The following PLCB1 variants were observed in gnomAD, a reference collection of about 807,000 sequenced individuals.
The protein encoded by PLCB1 is phospholipase C beta 1.
Under a neutral mutation model 161.8 loss-of-function variants are expected in PLCB1, and 46 were observed. The observed-to-expected ratio is 0.28, with a 90% CI of 0.22 to 0.36. The LOEUF is 0.36. PLCB1 is among the 10% of genes least tolerant of loss of function. The probability of loss-of-function intolerance (pLI) is 1.00; values close to 1 mark genes in which losing one functional copy is unlikely to be tolerated. For synonymous variants in PLCB1, 517 were observed against 503.7 expected, an observed-to-expected ratio of 1.03 and a Z score of -0.35; for missense variants, 1,016 against 1,472.5, an observed-to-expected ratio of 0.69 and a Z score of 5.07.
intron 2 of PLCB1, among the ~76,000 whole-genome samples, chr20:8,157,655 C>A (rs972354117): frequency 3.3e-5 from 5 of 152,118 alleles, no homozygotes; most frequent in African/African-American, 1.2e-4. Context: ...ACACAACATA[C>A]AAATAAATGT....
At chr20:8,181,514 A>G (rs1000825196) in intron 2 of PLCB1, among the ~76,000 whole-genome samples, 3 of 152,170 alleles carry the variant, frequency 2.0e-5, no homozygotes, top group Admixed American at 1.3e-4. Flanking sequence ...CTGAAACCAG[A>G]GGTAGAGCTT....
chr20:8,686,136 T>C, intron 10 of PLCB1, among the ~76,000 whole-genome samples: 1 of 152,208 alleles, frequency 6.6e-6, no homozygotes, highest in Middle Eastern at 3.2e-3. Flanking sequence ...TAGTGACTTG[T>C]AAACTACATA....
chr20:8,272,607 A>G (rs541839472), intron 2 of PLCB1, among the ~76,000 whole-genome samples: 44 of 151,616 alleles, frequency 2.9e-4, no homozygotes, highest in Non-Finnish European at 6.2e-4. Flanking sequence ...CCTCGAGTAT[A>G]CCCACATTAG....
At chr20:8,821,513 A>G (rs1214892585) in intron 31 of PLCB1, among the ~76,000 whole-genome samples, 4 of 18,474 alleles carry the variant, frequency 2.2e-4, no homozygotes, top group Admixed American at 7.2e-4. Context: ...ATATATATAT[A>G]TATATATATA....
chr20:8,573,363 A>C (rs1374077306), intron 3 of PLCB1, among the ~76,000 whole-genome samples: 1 of 152,176 alleles, frequency 6.6e-6, no homozygotes, highest in Non-Finnish European at 1.5e-5. Context: ...AAGAACTTTA[A>C]CTAGGAAATG....
chr20:8,299,662 C>T (rs1983805850), intron 2 of PLCB1, among the ~76,000 whole-genome samples: 2 of 152,216 alleles, frequency 1.3e-5, no homozygotes, highest in Admixed American at 6.5e-5. Flanking sequence ...TCCAAAACGG[C>T]TGTTCCTCAA....
intron 31 of PLCB1, among the ~76,000 whole-genome samples, chr20:8,833,219 G>A (rs1212894751): frequency 6.6e-6 from 1 of 152,214 alleles, no homozygotes; most frequent in Admixed American, 6.5e-5. Flanking sequence ...TGGACTCATA[G>A]TTCCACATGG....
At chr20:8,803,377 A>G (rs1007432992) in intron 31 of PLCB1, among the ~76,000 whole-genome samples, 6 of 151,268 alleles carry the variant, frequency 4.0e-5, no homozygotes, top group Admixed American at 6.6e-5. Flanking sequence ...AGCAACTGTC[A>G]TGGCATTTTA....
At chr20:8,376,551 C>T (rs538224534) in intron 3 of PLCB1, among the ~76,000 whole-genome samples, 3 of 152,134 alleles carry the variant, frequency 2.0e-5, no homozygotes, top group African/African-American at 7.2e-5. Context: ...CAGCAATGAA[C>T]AAAAAGACAA....
chr20:8,297,151 A>G (rs1025987751), intron 2 of PLCB1, among the ~76,000 whole-genome samples: 3 of 152,098 alleles, frequency 2.0e-5, no homozygotes, highest in Non-Finnish European at 4.4e-5. Flanking sequence ...ATATACATGC[A>G]TACTCCTGTA....
At position 8,144,787 on chromosome 20, in the gene PLCB1, G is replaced by A. The variant is rs747376263; in HGVS notation, c.100-5507G>A. Among the ~76,000 whole-genome samples, 5 of 152,274 alleles carry A rather than the reference G, an allele frequency of 3.3e-5. No homozygotes were observed. The Middle Eastern group carries it at 0.01, about 311-fold the overall frequency. On this transcript the variant is annotated intron_variant, in intron 1 of 31. Coordinates refer to ENST00000338037, the MANE Select transcript of PLCB1 (RefSeq NM_015192.4). ...GCTGTATTTGGCCCTGCTGCTTCCT[G>A]ATGCAAGTCTTGGGCAATCCCTGTG... is the stretch of plus-strand genomic sequence containing the variant.
rs112897439 is a variant in PLCB1 at position 8,608,888 on chromosome 20, A to G, written c.247-19406A>G. Reference sequence around the variant, plus strand: ...AATCAGAAGACTGCAGCAATCATCAATTGCACAACAGTGATGGCCTCTGTA... The same window carrying G: ...AATCAGAAGACTGCAGCAATCATCAGTTGCACAACAGTGATGGCCTCTGTA... On this transcript the variant is annotated intron_variant, in intron 3 of 31. Transcript: ENST00000338037. 7.9e-3 allele frequency among the ~76,000 whole-genome samples: 1,201 copies of G among 152,278 alleles called. 13 individuals are homozygous for G. Among genetic ancestry groups the G allele is most frequent in the African/African-American group, 0.027 (1,120 of 41,556 alleles).
At chr20:8,734,547 T>C (rs1201130082) in intron 19 of PLCB1, among the ~76,000 whole-genome samples, 1 of 151,932 alleles carries the variant, frequency 6.6e-6, no homozygotes, top group East Asian at 1.9e-4. Context: ...TACATGTATG[T>C]CATAAATATA....
chr20:8,671,703 G>A (rs1989948066), intron 9 of PLCB1, among the ~76,000 whole-genome samples: 4 of 152,180 alleles, frequency 2.6e-5, no homozygotes, highest in Admixed American at 2.0e-4. Context: ...TGCCCAGATT[G>A]AAGCCAACTG....
chr20:8,190,392 A>G (rs1055400835), intron 2 of PLCB1, among the ~76,000 whole-genome samples: 3 of 152,058 alleles, frequency 2.0e-5, no homozygotes, highest in African/African-American at 7.2e-5. Flanking sequence ...TTCTTTATAA[A>G]CTAATTTTTC....
intron 31 of PLCB1, among the ~76,000 whole-genome samples, chr20:8,881,296 C>T (rs1987972184): frequency 6.6e-6 from 1 of 151,668 alleles, no homozygotes; most frequent in Non-Finnish European, 1.5e-5. Context: ...TGAGCCACCA[C>T]GCCCAGACTC....
chr20:8,633,061 A>G lies in PLCB1; in HGVS notation c.384+4630A>G, dbSNP rs74830039. ...TGCTAATGACTTAGACCAACGTGGAATGTGGAGGAAATAAAAAGGAATCCA... is the reference window on the plus strand; with the variant it reads ...TGCTAATGACTTAGACCAACGTGGAGTGTGGAGGAAATAAAAAGGAATCCA... On this transcript the variant is annotated intron_variant, in intron 4 of 31. Coordinates refer to ENST00000338037, the MANE Select transcript of PLCB1 (RefSeq NM_015192.4). Among the ~76,000 whole-genome samples the G allele has an allele frequency of 6.6e-3, 987 of 149,826 alleles. 8 individuals are homozygous for G. The highest frequency in any genetic ancestry group is 0.023 in the African/African-American group (941 of 41,010).
chr20:8,215,038 CACAGCTACTTTT>C (rs1433501799), intron 2 of PLCB1, among the ~76,000 whole-genome samples: 32 of 152,062 alleles, frequency 2.1e-4, no homozygotes, highest in African/African-American at 7.0e-4. Context: ...TTCTCAGCTC[CACAGCTACTTTT>C]TCAGGACAGA....
chr20:8,395,392 C>T (rs1045290092), intron 3 of PLCB1, among the ~76,000 whole-genome samples: 3 of 151,880 alleles, frequency 2.0e-5, no homozygotes, highest in Non-Finnish European at 4.4e-5. Flanking sequence ...AGATGAAAAT[C>T]TAAATAAAAT....
Sources: allele counts gnomAD v4.1 joint callset (sites outside exome capture counted in the v4.1 genomes callset), GRCh38; gene constraint gnomAD v4.1.1; transcripts MANE v1.5; gene names NCBI Gene and HGNC (gene_info 2026-07-23, HGNC 2026-07-21).